The following MYO3B variants were observed in gnomAD, a reference collection of about 807,000 sequenced individuals.
MYO3B encodes myosin-IIIb.
Under a neutral mutation model 174.6 loss-of-function variants are expected in MYO3B, and 156 were observed. The observed-to-expected ratio is 0.89, with a 90% CI of 0.78 to 1.02. The LOEUF (loss-of-function observed/expected upper bound fraction) is 1.02. MYO3B is among the 50% of genes least tolerant of loss of function. The pLI is 0.00. For missense variants in MYO3B, 1,632 were observed against 1,639.4 expected (o/e 1.00, Z 0.08); for synonymous variants, 563 against 569.1 (o/e 0.99, Z 0.15).
chr2:170,267,838 C>T (rs2093395752), intron 7 of MYO3B, among the ~76,000 whole-genome samples: 1 of 152,116 alleles, frequency 6.6e-6, no homozygotes. Flanking sequence ...TTCAGAAAAT[C>T]TGGCATTTGG....
At chr2:170,595,147 A>G (rs552897175) in intron 32 of MYO3B, among the ~76,000 whole-genome samples, 14 of 152,304 alleles carry the variant, frequency 9.2e-5, no homozygotes, top group African/African-American at 3.1e-4. Context: ...ATTTCTGTAA[A>G]ATAGGAACGG....
chr2:170,377,910 A>G (rs913562028), intron 9 of MYO3B, among the ~76,000 whole-genome samples: 25 of 152,166 alleles, frequency 1.6e-4, no homozygotes, highest in African/African-American at 5.8e-4. Flanking sequence ...TACTCGATCC[A>G]AGTAGCTTTT....
At chr2:170,422,061 A>ACT (rs1400236239) in intron 22 of MYO3B, among the ~76,000 whole-genome samples, 2 of 152,198 alleles carry the variant, frequency 1.3e-5, no homozygotes, top group Non-Finnish European at 2.9e-5. Flanking sequence ...ATTTGATTTA[A>ACT]AGTTCTGAGC....
In MYO3B at chr2:170,178,296, T is replaced by A; in HGVS notation, c.2+7T>A. ...CAGAAAATAGGTCATCGATGTGAGT[T>A]GCAGTTATTTTCCTTCCAGCTTTCT... On this transcript the variant is annotated splice_region_variant and intron_variant, in intron 1 of 34. Transcript: ENST00000408978. The A allele has an allele frequency of 1.2e-6, 2 of 1,614,204 alleles. No homozygotes were observed. Among genetic ancestry groups the A allele is most frequent in the Non-Finnish European group, 1.7e-6 (2 of 1,180,012 alleles).
At chr2:170,527,888 G>T (rs927731083) in intron 30 of MYO3B, among the ~76,000 whole-genome samples, 3 of 152,206 alleles carry the variant, frequency 2.0e-5, no homozygotes, top group Admixed American at 6.5e-5. Flanking sequence ...ACTCATTTCT[G>T]TAGCACTCAC....
intron 32 of MYO3B, among the ~76,000 whole-genome samples, chr2:170,632,502 T>C (rs1042069408): frequency 6.6e-6 from 1 of 152,152 alleles, no homozygotes; most frequent in Admixed American, 6.5e-5. Context: ...AACTTACTTA[T>C]AGCACTAAAT....
At chr2:170,518,650 A>G (rs1688470661) in intron 29 of MYO3B, among the ~76,000 whole-genome samples, 1 of 152,204 alleles carries the variant, frequency 6.6e-6, no homozygotes, top group Admixed American at 6.5e-5. Context: ...AAAATTTAAC[A>G]TGGATCAAGG....
intron 8 of MYO3B, among the ~76,000 whole-genome samples, chr2:170,351,388 G>T (rs753396898): frequency 2.7e-4 from 41 of 152,074 alleles, no homozygotes; most frequent in Admixed American, 6.5e-5. Context: ...ATTCTCCATC[G>T]TCTGGGGTGA....
chr2:170,353,210 G>A (rs1213594091), intron 8 of MYO3B, among the ~76,000 whole-genome samples: 2 of 152,156 alleles, frequency 1.3e-5, no homozygotes, highest in African/African-American at 4.8e-5. Context: ...CCAGACAATG[G>A]AACATTATTC....
intron 32 of MYO3B, among the ~76,000 whole-genome samples, chr2:170,624,163 C>A (rs949886114): frequency 2.6e-5 from 4 of 152,156 alleles, no homozygotes; most frequent in African/African-American, 7.2e-5. Flanking sequence ...TTACCTAGGG[C>A]AGTATGGTCA....
chr2:170,316,752 C>G (rs1236095085), intron 7 of MYO3B, among the ~76,000 whole-genome samples: 1 of 152,208 alleles, frequency 6.6e-6, no homozygotes, highest in African/African-American at 2.4e-5. Flanking sequence ...TGGTCACATT[C>G]TAATTCCTTA....
chr2:170,556,410 C>A (rs573367350), intron 32 of MYO3B, among the ~76,000 whole-genome samples: 1 of 152,300 alleles, frequency 6.6e-6, no homozygotes, highest in East Asian at 1.9e-4. Context: ...CAAGAAACTG[C>A]CAAACTGTCT....
intron 7 of MYO3B, among the ~76,000 whole-genome samples, chr2:170,257,796 GA>G (rs1001471537): frequency 1.3e-4 from 20 of 152,176 alleles, no homozygotes; most frequent in African/African-American, 4.8e-4. Context: ...TTGGTTATTT[GA>G]AAAGATAAAC....
At chr2:170,627,493 C>A (rs933242488) in intron 32 of MYO3B, among the ~76,000 whole-genome samples, 3 of 152,142 alleles carry the variant, frequency 2.0e-5, no homozygotes, top group African/African-American at 7.2e-5. Flanking sequence ...GCGATGGGTT[C>A]GAACTTCCTC....
intron 32 of MYO3B, among the ~76,000 whole-genome samples, chr2:170,630,467 G>A (rs1434990549): frequency 6.6e-6 from 1 of 152,186 alleles, no homozygotes; most frequent in East Asian, 1.9e-4. Context: ...CACCTCTGGA[G>A]GCAGGGCATA....
At chr2:170,625,860 G>C (rs372636348) in intron 32 of MYO3B, among the ~76,000 whole-genome samples, 1 of 152,142 alleles carries the variant, frequency 6.6e-6, no homozygotes, top group Non-Finnish European at 1.5e-5. Flanking sequence ...GTAGTTGAGC[G>C]GTTTTGAGTG....
intron 32 of MYO3B, among the ~76,000 whole-genome samples, chr2:170,647,673 C>G (rs1002896921): frequency 3.9e-5 from 6 of 151,950 alleles, no homozygotes; most frequent in African/African-American, 1.2e-4. Flanking sequence ...GATTAGACAC[C>G]AACAGTTGTT....
At chr2:170,371,045 T>A (rs778353706) in intron 9 of MYO3B, among the ~76,000 whole-genome samples, 4 of 151,748 alleles carry the variant, frequency 2.6e-5, no homozygotes, top group Non-Finnish European at 1.5e-5. Context: ...GGTGACACCC[T>A]GTCTCTACTA....
At chr2:170,356,031 G>A (rs997003667) in intron 8 of MYO3B, among the ~76,000 whole-genome samples, 2 of 151,994 alleles carry the variant, frequency 1.3e-5, no homozygotes, top group African/African-American at 4.8e-5. Context: ...CGTGATCTCG[G>A]CTCACTGCAA....
Sources: gnomAD v4.1 joint callset for allele counts (sites outside exome capture counted in the v4.1 genomes callset) on GRCh38, gnomAD v4.1.1 for gene constraint, MANE v1.5 for transcripts, NCBI Gene and HGNC (gene_info 2026-07-23, HGNC 2026-07-21) for gene names.